The following PTPRM variants were observed in gnomAD, a reference collection of about 807,000 sequenced individuals.
PTPRM encodes the protein receptor-type tyrosine-protein phosphatase mu.
Under a neutral mutation model 186.7 loss-of-function variants are expected in PTPRM, and 47 were observed. The observed-to-expected ratio is 0.25, with a 90% CI of 0.20 to 0.32. The LOEUF (loss-of-function observed/expected upper bound fraction) is 0.32. Among genes scored for constraint, PTPRM ranks in the 10% least tolerant of loss-of-function variants. PTPRM has a pLI of 1.00. For synonymous variants in PTPRM, 668 were observed against 674.9 expected (o/e 0.99, Z 0.16); for missense variants, 1,494 against 1,865.0 (o/e 0.80, Z 3.66).
intron 1 of PTPRM, among the ~76,000 whole-genome samples, chr18:7,686,589 G>A (rs186736883): frequency 2.5e-4 from 38 of 150,398 alleles, no homozygotes; most frequent in African/African-American, 9.0e-4. Context: ...AAAACTGCAA[G>A]CAAATACAGA....
chr18:7,818,399 C>T (rs1293120380), intron 2 of PTPRM, among the ~76,000 whole-genome samples: 1 of 152,094 alleles, frequency 6.6e-6, no homozygotes, highest in Non-Finnish European at 1.5e-5. Flanking sequence ...TAATTCCTTC[C>T]TTCTTTGTGC....
intron 11 of PTPRM, 25 bp from the exon 12 acceptor site, chr18:8,113,461 A>G: frequency 6.2e-7 from 1 of 1,603,028 alleles, no homozygotes. Context: ...ATAAAATATC[A>G]TTGATGGTAC....
At chr18:7,980,679 C>T (rs1188631457) in intron 7 of PTPRM, among the ~76,000 whole-genome samples, 3 of 152,156 alleles carry the variant, frequency 2.0e-5, no homozygotes, top group Admixed American at 1.3e-4. Flanking sequence ...CCACTGTGTC[C>T]AGCCATCAGA....
intron 14 of PTPRM, among the ~76,000 whole-genome samples, chr18:8,197,536 G>T (rs949539169): frequency 4.6e-5 from 7 of 152,210 alleles, no homozygotes; most frequent in Admixed American, 3.9e-4. Flanking sequence ...TTAAGAAGTT[G>T]CTTAGGAGTA....
chr18:7,822,118 C>A (rs2045231968), intron 2 of PTPRM, among the ~76,000 whole-genome samples: 1 of 152,196 alleles, frequency 6.6e-6, no homozygotes, highest in African/African-American at 2.4e-5. Flanking sequence ...TATTTATTGA[C>A]ATCACCTTGC....
At chr18:8,031,624 TATA>T (rs2085981416) in intron 7 of PTPRM, among the ~76,000 whole-genome samples, 1 of 152,158 alleles carries the variant, frequency 6.6e-6, no homozygotes, top group African/African-American at 2.4e-5. Context: ...TTTGCAGCAC[TATA>T]GAGTCTGACA....
At chr18:7,884,578 C>G (rs1185389133) in intron 2 of PTPRM, among the ~76,000 whole-genome samples, 2 of 152,024 alleles carry the variant, frequency 1.3e-5, no homozygotes, top group Admixed American at 6.6e-5. Flanking sequence ...AAAGCCCTGC[C>G]CCTGCACTTG....
intron 2 of PTPRM, among the ~76,000 whole-genome samples, chr18:7,865,087 G>A (rs1430009619): frequency 6.6e-6 from 1 of 152,190 alleles, no homozygotes; most frequent in Non-Finnish European, 1.5e-5. Context: ...TCAGCTTATG[G>A]AGATTTTGGG....
chr18:7,835,198 T>G (rs981130215), intron 2 of PTPRM, among the ~76,000 whole-genome samples: 25 of 150,992 alleles, frequency 1.7e-4, no homozygotes, highest in African/African-American at 5.8e-4. Context: ...CTTTTTTTTT[T>G]TTTTTGTTGT....
chr18:7,973,967 A>G (rs2054754015), intron 7 of PTPRM, among the ~76,000 whole-genome samples: 1 of 122,042 alleles, frequency 8.2e-6, no homozygotes, highest in Non-Finnish European at 1.7e-5. Flanking sequence ...AGATTCTGGT[A>G]AAAAAAAAAA....
At chr18:8,328,609 C>T (rs1568757220) in intron 22 of PTPRM, among the ~76,000 whole-genome samples, 3 of 152,146 alleles carry the variant, frequency 2.0e-5, no homozygotes, top group Non-Finnish European at 2.9e-5. Context: ...GTGGAGTATT[C>T]TCTGGTTTCC....
At chr18:8,354,458 C>T (rs1393668211) in intron 23 of PTPRM, among the ~76,000 whole-genome samples, 1 of 152,062 alleles carries the variant, frequency 6.6e-6, no homozygotes, top group African/African-American at 2.4e-5. Flanking sequence ...AAGGGGATAG[C>T]GACCAGGTCA....
chr18:7,678,535 C>T (rs1197375895), intron 1 of PTPRM, among the ~76,000 whole-genome samples: 1 of 152,124 alleles, frequency 6.6e-6, no homozygotes, highest in African/African-American at 2.4e-5. Context: ...TTCAGAGGAC[C>T]ACTGGGCGTG....
At chr18:7,728,487 C>T (rs1429827663) in intron 1 of PTPRM, among the ~76,000 whole-genome samples, 2 of 152,240 alleles carry the variant, frequency 1.3e-5, no homozygotes, top group Non-Finnish European at 2.9e-5. Context: ...CTGATGGCTC[C>T]GCCCAGTTCC....
At chr18:8,325,862 A>G (rs548348948) in intron 22 of PTPRM, among the ~76,000 whole-genome samples, 3 of 152,158 alleles carry the variant, frequency 2.0e-5, no homozygotes, top group Non-Finnish European at 4.4e-5. Flanking sequence ...CTTTTTAATA[A>G]TAGCCATTCT....
intron 2 of PTPRM, among the ~76,000 whole-genome samples, chr18:7,848,861 T>TA (rs938331972): frequency 4.3e-4 from 65 of 152,164 alleles, no homozygotes; most frequent in Non-Finnish European, 7.4e-4. Flanking sequence ...AAGTTTTTTT[T>TA]AAATTTTCAT....
Position 7,662,546 on chromosome 18 carries a change from G to A in PTPRM, c.73+94655G>A, listed in dbSNP as rs533052665. ...AATTCATGGAAATAGAGAGTAGGACGATGGTTACCAGAGTCTGGGAATGGT... is the reference window on the plus strand; with the variant it reads ...AATTCATGGAAATAGAGAGTAGGACAATGGTTACCAGAGTCTGGGAATGGT... On this transcript the variant is annotated intron_variant, in intron 1 of 32. Transcript: ENST00000580170. Among the ~76,000 whole-genome samples the A allele has an allele frequency of 1.1e-4, 16 of 152,168 alleles. 1 individual carries two copies. Among genetic ancestry groups the A allele is most frequent in the Admixed American group, 9.2e-4 (14 of 15,274 alleles).
At chr18:8,117,601 A>G (rs1033874823) in intron 13 of PTPRM, among the ~76,000 whole-genome samples, 2 of 152,216 alleles carry the variant, frequency 1.3e-5, no homozygotes, top group Non-Finnish European at 2.9e-5. Flanking sequence ...TTAGACAGGA[A>G]AAAACCTAAG....
At chr18:7,745,294 A>G (rs2040962783) in intron 1 of PTPRM, among the ~76,000 whole-genome samples, 1 of 152,224 alleles carries the variant, frequency 6.6e-6, no homozygotes, top group Non-Finnish European at 1.5e-5. Flanking sequence ...TGAAGTCATG[A>G]GAGGACTTCT....
Sources: allele counts gnomAD v4.1 joint callset (sites outside exome capture counted in the v4.1 genomes callset), GRCh38; gene constraint gnomAD v4.1.1; transcripts MANE v1.5; gene names NCBI Gene and HGNC (gene_info 2026-07-23, HGNC 2026-07-21).